Variants in MAGI2 observed in about 807,000 individuals in gnomAD.
MAGI2 encodes membrane associated guanylate kinase, WW and PDZ domain containing 2.
In MAGI2, 35 loss-of-function variants were observed where a neutral mutation model predicts 133.3. That is an observed-to-expected ratio of 0.26 (90% CI 0.20 to 0.35). MAGI2 has a LOEUF of 0.35. Ranked by LOEUF, MAGI2 falls within the 10% of genes least tolerant of loss-of-function variation. The pLI, the probability that MAGI2 is intolerant of heterozygous loss-of-function variation, is 1.00. For synonymous variants in MAGI2, 729 were observed against 710.6 expected (o/e 1.03, Z -0.41); for missense variants, 1,636 against 1,863.4 (o/e 0.88, Z 2.25).
intron 1 of MAGI2, among the ~76,000 whole-genome samples, chr7:79,214,154 C>T (rs76714716): frequency 6.6e-6 from 1 of 151,314 alleles, no homozygotes; most frequent in Admixed American, 6.6e-5. Context: ...AGTCTCTGGG[C>T]AGATATTCAT....
chr7:79,055,952 A>T (rs1244386902), intron 1 of MAGI2, among the ~76,000 whole-genome samples: 1 of 152,196 alleles, frequency 6.6e-6, no homozygotes, highest in Non-Finnish European at 1.5e-5. Flanking sequence ...AAAGACTAAC[A>T]AGTGAGAACA....
At chr7:78,186,797 T>C (rs951853739) in intron 12 of MAGI2, among the ~76,000 whole-genome samples, 1 of 152,170 alleles carries the variant, frequency 6.6e-6, no homozygotes, top group African/African-American at 2.4e-5. Flanking sequence ...CACTTTCTTA[T>C]TTCATTTTAG....
chr7:78,195,776 A>C (rs1284272566), intron 11 of MAGI2, among the ~76,000 whole-genome samples: 1 of 152,220 alleles, frequency 6.6e-6, no homozygotes, highest in Non-Finnish European at 1.5e-5. Flanking sequence ...CCATAGCACC[A>C]TAAGATAGAG....
rs1207876 is a variant in MAGI2, at chr7:78,753,170, G to T, written c.419-125931C>A. 1.2e-3 allele frequency among the ~76,000 whole-genome samples: 177 copies of T among 152,268 alleles called. 1 individual carries two copies. The highest frequency in any genetic ancestry group is 2.2e-3 in the Non-Finnish European group (153 of 68,010). ...AGAATGACCACAAGATGACCAGTAT[G>T]ATGGAATTAGTTAACAGTTATTTTA... On this transcript the variant is annotated intron_variant, in intron 2 of 21. Transcript: ENST00000354212.
chr7:78,331,726 T>C (rs1407973076), intron 9 of MAGI2, among the ~76,000 whole-genome samples: 1 of 152,200 alleles, frequency 6.6e-6, no homozygotes, highest in Admixed American at 6.5e-5. Context: ...CCCAGTAGCA[T>C]ACTCTGGTAC....
chr7:78,449,585 G>A (rs1476415595), intron 6 of MAGI2, among the ~76,000 whole-genome samples: 1 of 152,076 alleles, frequency 6.6e-6, no homozygotes. Context: ...GCTTGGAAGT[G>A]TTCCAACATT....
intron 10 of MAGI2, among the ~76,000 whole-genome samples, chr7:78,224,612 G>A (rs1158012937): frequency 6.6e-6 from 1 of 152,036 alleles, no homozygotes; most frequent in Non-Finnish European, 1.5e-5. Flanking sequence ...GTCGCAGTGA[G>A]CCAAGATCAA....
intron 6 of MAGI2, among the ~76,000 whole-genome samples, chr7:78,453,228 G>C (rs561021845): frequency 6.6e-6 from 1 of 152,216 alleles, no homozygotes; most frequent in South Asian, 2.1e-4. Context: ...AAAACACCAA[G>C]GTACTGCAGG....
chr7:78,447,691 G>A (rs1464757957), intron 6 of MAGI2, among the ~76,000 whole-genome samples: 1 of 152,146 alleles, frequency 6.6e-6, no homozygotes, highest in Non-Finnish European at 1.5e-5. Context: ...AGACTAGGAG[G>A]AAGAATTAGC....
Position 78,495,477 on chromosome 7 carries a change from T to C in MAGI2, c.966-5637A>G, listed in dbSNP as rs1424612874. On this transcript the variant is annotated intron_variant, in intron 5 of 21. Coordinates refer to ENST00000354212, the MANE Select transcript of MAGI2 (RefSeq NM_012301.4). Reference sequence around the variant, plus strand: ...AATCATCAGGATGATTGTAACATTTTCCAAAAGACTTTCTCTTCCTTCTAT... The same window carrying C: ...AATCATCAGGATGATTGTAACATTTCCCAAAAGACTTTCTCTTCCTTCTAT... Among the ~76,000 whole-genome samples the C allele has an allele frequency of 2.0e-5, 3 of 152,306 alleles. No individual in the cohort carries two copies. In the East Asian group the frequency reaches 5.8e-4, roughly 29 times the overall value.
rs555953763 is a variant in MAGI2, at chr7:78,136,580, A to T, written c.2846-1374T>A. 2.0e-5 allele frequency among the ~76,000 whole-genome samples: 3 copies of T among 152,310 alleles called. No individual in the cohort carries two copies. In the East Asian group the frequency reaches 5.8e-4, roughly 29 times the overall value. ...TAGTATACCCTGTGTAAACCCCCTCAAGGAGTTTACCAAACTAGAAGCCTA... is the reference window on the plus strand; with the variant it reads ...TAGTATACCCTGTGTAAACCCCCTCTAGGAGTTTACCAAACTAGAAGCCTA... On this transcript the variant is annotated intron_variant, in intron 16 of 21. Transcript: ENST00000354212.
chr7:78,413,124 T>C (rs1562961099), intron 6 of MAGI2, among the ~76,000 whole-genome samples: 3 of 152,082 alleles, frequency 2.0e-5, no homozygotes, highest in African/African-American at 4.8e-5. Flanking sequence ...CTTCTTTGGG[T>C]CTTAGTTCCC....
At chr7:78,183,717 G>T (rs1428887242) in intron 13 of MAGI2, among the ~76,000 whole-genome samples, 1 of 152,186 alleles carries the variant, frequency 6.6e-6, no homozygotes, top group African/African-American at 2.4e-5. Flanking sequence ...CTACAGGCAT[G>T]CGCCACAGCG....
At chr7:78,619,752 A>G (rs1807519575) in intron 3 of MAGI2, among the ~76,000 whole-genome samples, 1 of 151,940 alleles carries the variant, frequency 6.6e-6, no homozygotes, top group Non-Finnish European at 1.5e-5. Context: ...CTATCTGTTG[A>G]TAACTCTGAA....
intron 3 of MAGI2, chr7:78,554,796 A>G (rs1055231741): frequency 1.3e-5 from 2 of 152,244 alleles, no homozygotes; most frequent in Non-Finnish European, 2.9e-5. Flanking sequence ...CCTTTGTCCA[A>G]TTACATTTTT....
chr7:79,210,991 G>A (rs1486135251), intron 1 of MAGI2, among the ~76,000 whole-genome samples: 3 of 151,956 alleles, frequency 2.0e-5, no homozygotes, highest in African/African-American at 7.3e-5. Context: ...TATGCATTAT[G>A]CATGCTATTG....
In MAGI2 at chr7:78,228,347, A is replaced by T. The variant is rs73702839; in HGVS notation, c.2048-27154T>A. Among the ~76,000 whole-genome samples, 917 of 152,306 alleles carry T rather than the reference A, an allele frequency of 6.0e-3. 7 individuals are homozygous for T. Among genetic ancestry groups the T allele is most frequent in the African/African-American group, 0.021 (858 of 41,558 alleles). ...TACGAGTTTATAGAAAATATAAATT[A>T]TGGAACCAGTGAAGGAGAATTTCTG... On this transcript the variant is annotated intron_variant, in intron 10 of 21. Transcript: ENST00000354212.
chr7:78,812,001 G>A (rs1359209239), intron 2 of MAGI2, among the ~76,000 whole-genome samples: 1 of 152,174 alleles, frequency 6.6e-6, no homozygotes, highest in Non-Finnish European at 1.5e-5. Flanking sequence ...GTCAGAGGGA[G>A]ATGGGAGAAT....
chr7:78,743,138 T>C (rs1046636177), intron 2 of MAGI2, among the ~76,000 whole-genome samples: 3 of 152,232 alleles, frequency 2.0e-5, no homozygotes, highest in African/African-American at 7.2e-5. Context: ...TAAATCATTA[T>C]GTTTTGAAGT....
Sources: allele counts gnomAD v4.1 joint callset (sites outside exome capture counted in the v4.1 genomes callset), GRCh38; gene constraint gnomAD v4.1.1; transcripts MANE v1.5; gene names NCBI Gene and HGNC (gene_info 2026-07-23, HGNC 2026-07-21).